Variants in NYAP2 observed in about 807,000 individuals in gnomAD.
NYAP2 encodes neuronal tyrosine-phosphorylated phosphoinositide-3-kinase adaptor 2, also known as neuronal tyrosine-phosphorylated phosphoinositide-3-kinase adapter 2.
NYAP2 carries 23 observed loss-of-function variants against 50.4 expected under a neutral mutation model. The ratio of observed to expected loss-of-function variants is 0.46; its 90% CI spans 0.33 to 0.65. NYAP2 has a LOEUF of 0.65. NYAP2 is among the 30% of genes least tolerant of loss of function. The pLI is 0.02. For missense variants in NYAP2, 885 were observed against 861.0 expected (o/e 1.03, Z -0.35); for synonymous variants, 394 against 365.2 (o/e 1.08, Z -0.90).
At chr2:225,590,796 T>G (rs1439438334) in intron 5 of NYAP2, among the ~76,000 whole-genome samples, 1 of 152,188 alleles carries the variant, frequency 6.6e-6, no homozygotes, top group East Asian at 1.9e-4. Flanking sequence ...TCAAAAGAGA[T>G]AACAATTTCA....
At chr2:225,454,445 G>C (rs1162281563) in intron 3 of NYAP2, among the ~76,000 whole-genome samples, 2 of 152,126 alleles carry the variant, frequency 1.3e-5, no homozygotes, top group Non-Finnish European at 2.9e-5. Context: ...TAGTGTCCTA[G>C]GAATTCAGTT....
chr2:225,517,227 T>C (rs962400002), intron 4 of NYAP2, among the ~76,000 whole-genome samples: 4 of 152,210 alleles, frequency 2.6e-5, no homozygotes, highest in Non-Finnish European at 5.9e-5. Context: ...GCAATCAGTA[T>C]ACTATAAATA....
At chr2:225,476,281 T>C (rs539153230) in intron 3 of NYAP2, among the ~76,000 whole-genome samples, 9 of 152,044 alleles carry the variant, frequency 5.9e-5, no homozygotes, top group African/African-American at 1.9e-4. Flanking sequence ...GGCGTAGTGA[T>C]GGGCGCCTGT....
At chr2:225,628,757 TG>T (rs1340003146) in intron 6 of NYAP2, among the ~76,000 whole-genome samples, 1 of 152,206 alleles carries the variant, frequency 6.6e-6, no homozygotes, top group African/African-American at 2.4e-5. Flanking sequence ...CCAATTCTAT[TG>T]AAAATACGTG....
At chr2:225,404,315 AAG>A (rs1380524550) in intron 2 of NYAP2, among the ~76,000 whole-genome samples, 4 of 151,932 alleles carry the variant, frequency 2.6e-5, no homozygotes, top group Non-Finnish European at 5.9e-5. Context: ...ACTATAGAAA[AAG>A]AAAAAACGAG....
downstream of NYAP2, among the ~76,000 whole-genome samples, chr2:225,655,526 C>T (rs180851335): frequency 3.2e-4 from 48 of 152,230 alleles, no homozygotes; most frequent in East Asian, 8.3e-3. Flanking sequence ...ACTTGGAGCA[C>T]GTTACTTTCT....
chr2:225,596,945 T>C (rs940354908), intron 5 of NYAP2, among the ~76,000 whole-genome samples: 1 of 152,116 alleles, frequency 6.6e-6, no homozygotes, highest in Admixed American at 6.5e-5. Context: ...AAAAATAAAG[T>C]AAGAATAAAA....
At chr2:225,571,827 A>G (rs941798620) in intron 4 of NYAP2, among the ~76,000 whole-genome samples, 4 of 152,212 alleles carry the variant, frequency 2.6e-5, no homozygotes, top group East Asian at 1.9e-4. Flanking sequence ...GAATTTCTCC[A>G]TAGAAAATGG....
chr2:225,548,820 A>T (rs1483676517), intron 4 of NYAP2, among the ~76,000 whole-genome samples: 30 of 152,194 alleles, frequency 2.0e-4, no homozygotes, highest in Admixed American at 1.9e-3. Flanking sequence ...GTTACCTTGA[A>T]ATAATCTGAT....
chr2:225,697,946 G>A, the NYAP2 span, among the ~76,000 whole-genome samples: 636 of 151,958 alleles, frequency 4.2e-3, 6 homozygotes, highest in Middle Eastern at 0.014. Flanking sequence ...GCTGAGGCGG[G>A]AGAATTGCTT....
exon 4 of NYAP2, chr2:225,513,534 G>A (rs866667390): frequency 1.1e-5 from 17 of 1,612,898 alleles, no homozygotes; most frequent in East Asian, 2.2e-5. Context: ...GGGCACAGAC[G>A]ATGACAGCAG....
At chr2:225,685,692 G>A in the NYAP2 span, among the ~76,000 whole-genome samples, 1 of 152,030 alleles carries the variant, frequency 6.6e-6, no homozygotes, top group Non-Finnish European at 1.5e-5. Flanking sequence ...TCATAAAATA[G>A]TCAAAAGTCA....
chr2:225,504,149 C>T (rs1036544674), intron 3 of NYAP2, among the ~76,000 whole-genome samples: 1 of 152,128 alleles, frequency 6.6e-6, no homozygotes, highest in Admixed American at 6.5e-5. Flanking sequence ...GGATAAATAC[C>T]ACAGACATTT....
the NYAP2 span, among the ~76,000 whole-genome samples, chr2:225,688,170 A>G: frequency 6.6e-6 from 1 of 152,206 alleles, no homozygotes; most frequent in Non-Finnish European, 1.5e-5. Context: ...AGACGTTCTC[A>G]GTCATTGAAC....
intron 5 of NYAP2, among the ~76,000 whole-genome samples, chr2:225,606,558 C>T (rs1399572867): frequency 6.6e-6 from 1 of 152,068 alleles, no homozygotes; most frequent in Non-Finnish European, 1.5e-5. Context: ...TTTGACTTTT[C>T]AGTCATTCTC....
At chr2:225,521,055 C>G (rs1691045973) in intron 4 of NYAP2, among the ~76,000 whole-genome samples, 1 of 142,650 alleles carries the variant, frequency 7.0e-6, no homozygotes, top group Admixed American at 6.9e-5. Flanking sequence ...GGAGTTCACT[C>G]ATGATTTGGC....
At chr2:225,409,220 G>A (rs1348195371) in intron 3 of NYAP2, 119 bp downstream of exon 3, 2 of 693,220 alleles carry the variant, frequency 2.9e-6, no homozygotes, top group African/African-American at 3.6e-5. Context: ...TAGACTTGGT[G>A]AGAGCATATG....
exon 6 of NYAP2, chr2:225,626,952 A>G (rs1398535265): frequency 6.3e-7 from 1 of 1,583,736 alleles, no homozygotes; most frequent in Non-Finnish European, 8.6e-7. Context: ...AAGCCACAGC[A>G]CGGAGCCATT....
intron 4 of NYAP2, among the ~76,000 whole-genome samples, chr2:225,539,195 T>C (rs562114994): frequency 2.0e-5 from 3 of 152,328 alleles, no homozygotes; most frequent in East Asian, 1.9e-4. Context: ...TATGGCTGCA[T>C]AGTATTCCAT....
Sources: gnomAD v4.1 joint callset for allele counts (sites outside exome capture counted in the v4.1 genomes callset) on GRCh38, gnomAD v4.1.1 for gene constraint, MANE v1.5 for transcripts, NCBI Gene and HGNC (gene_info 2026-07-23, HGNC 2026-07-21) for gene names.